FLRT2: variants seen among roughly 807,000 people sequenced by gnomAD.
FLRT2 encodes leucine-rich repeat transmembrane protein FLRT2.
A neutral mutation model predicts 40.0 loss-of-function variants in FLRT2; 15 were observed. The ratio of observed to expected loss-of-function variants is 0.38; its 90% confidence interval spans 0.25 to 0.58. The LOEUF (loss-of-function observed/expected upper bound fraction) is 0.58. Ranked by LOEUF, FLRT2 falls within the 20% of genes least tolerant of loss-of-function variation. FLRT2 has a pLI of 0.71. For missense variants in FLRT2, 726 were observed against 840.0 expected, an observed-to-expected ratio of 0.86 and a Z score of 1.68; for synonymous variants, 380 against 336.8, an observed-to-expected ratio of 1.13 and a Z score of -1.41.
At chr14:85,575,373 C>T (rs141287625) in intron 1 of FLRT2, among the ~76,000 whole-genome samples, 55 of 152,084 alleles carry the variant, frequency 3.6e-4, no homozygotes, top group African/African-American at 1.3e-3. Context: ...TCTACTAATA[C>T]TTCTGATTTT....
chr14:85,622,429 C>A lies in FLRT2; in HGVS notation c.915C>A (p.Leu305=), dbSNP rs768120893. 1 of 1,614,126 alleles carries A rather than the reference C, an allele frequency of 6.2e-7. No homozygotes were observed. Among genetic ancestry groups the A allele is most frequent in the Middle Eastern group, 1.6e-4 (1 of 6,062 alleles). Reference sequence around the variant, plus strand: ...ATAATCTCTCCAACCTGAAGCAGCTCACTGCTCGGAATAACCCTTGGTTTT... The same window carrying A: ...ATAATCTCTCCAACCTGAAGCAGCTAACTGCTCGGAATAACCCTTGGTTTT... ...VFDNLSNLKQ[L]TARNNPWFCD... Residue 305 remains leucine, a synonymous_variant, in exon 2 of 2, where the codon CTC becomes CTA. Transcript: ENST00000330753.
intron 1 of FLRT2, among the ~76,000 whole-genome samples, chr14:85,599,776 G>A (rs752571337): frequency 1.3e-5 from 2 of 149,368 alleles, no homozygotes; most frequent in Non-Finnish European, 3.0e-5. Context: ...CAAATTATAC[G>A]TGTATTTTAC....
At chr14:85,591,393 A>C (rs993632764) in intron 1 of FLRT2, among the ~76,000 whole-genome samples, 8 of 152,224 alleles carry the variant, frequency 5.3e-5, no homozygotes, top group Non-Finnish European at 7.3e-5. Context: ...AGCACGCATC[A>C]GTAGTGACTG....
chr14:85,652,278 T>G lies in FLRT2; in HGVS notation c.*28781T>G, dbSNP rs1465782997. ...TTGAAGAATCTCTAAATAGCACTAT[T>G]AAGTGCTCTGATATGCAGTAATATT... On this transcript the variant is annotated 3_prime_UTR_variant, in exon 2 of 2. Transcript: ENST00000330753. 1 of 152,142 alleles carries G rather than the reference T, an allele frequency of 6.6e-6. No homozygotes were observed. The highest frequency in any genetic ancestry group is 2.4e-5 in the African/African-American group (1 of 41,464). The allele number at this position is 152,142 out of a possible 1,614,324, so 9.4% of individuals were successfully genotyped here.
rs1444590101 is a variant in FLRT2 at position 85,643,327 on chromosome 14, C to CTT, written c.*19832_*19833dup. 1.6e-4 allele frequency: 18 copies of CTT among 113,388 alleles called. No individual in the cohort carries two copies. The highest frequency in any genetic ancestry group is 6.4e-4 in the African/African-American group (17 of 26,456). The allele number at this position is 113,388 out of a possible 1,614,324, so 7.0% of individuals were successfully genotyped here. On this transcript the variant is annotated 3_prime_UTR_variant, in exon 2 of 2. Transcript: ENST00000330753. ...TCTTTCTTTCTTTCTTTCTTTCTTT[C>CTT]TTTCTTTCTTTCTTTCTTTCTTTCT...
rs116874812 is a variant in FLRT2 at position 85,573,283 on chromosome 14, C to T, written c.-377+42749C>T. ...CCCCACACATCACACTCACACATCA[C>T]ACATATCACATACATCACACTCACA... On this transcript the variant is annotated intron_variant, in intron 1 of 1. Transcript: ENST00000330753. Among the ~76,000 whole-genome samples, 85 of 152,202 alleles carry T rather than the reference C, an allele frequency of 5.6e-4. 1 individual carries two copies. The East Asian group carries it at 0.013, about 23-fold the overall frequency.
chr14:85,595,268 A>G (rs1207632457), intron 1 of FLRT2, among the ~76,000 whole-genome samples: 1 of 152,272 alleles, frequency 6.6e-6, no homozygotes, highest in South Asian at 2.1e-4. Flanking sequence ...GATGTGTTTT[A>G]TAAGTTAGAA....
chr14:85,551,670 A>G (rs1204076537), intron 1 of FLRT2: 1 of 152,132 alleles, frequency 6.6e-6, no homozygotes, highest in Admixed American at 6.5e-5. Flanking sequence ...GCCCTGAAAT[A>G]CCTTAAGATT....
Position 85,645,750 on chromosome 14 carries a change from C to T in FLRT2, c.*22253C>T, listed in dbSNP as rs1894283813. 6.6e-6 allele frequency: 1 copy of T among 152,154 alleles called. No homozygotes were observed. Among genetic ancestry groups the T allele is most frequent in the African/African-American group, 2.4e-5 (1 of 41,444 alleles). The allele number at this position is 152,154 out of a possible 1,614,324, so 9.4% of individuals were successfully genotyped here. A position where few individuals can be genotyped will look rare whatever the true frequency, so the allele number is the denominator to read the frequency against. On this transcript the variant is annotated 3_prime_UTR_variant, in exon 2 of 2. Transcript: ENST00000330753. ...GTCAAGCTGTCCTTTTCCCCAGCCACCCTCCTCACGTCTTGCTCAATGACT... is the reference window on the plus strand; with the variant it reads ...GTCAAGCTGTCCTTTTCCCCAGCCATCCTCCTCACGTCTTGCTCAATGACT...
In FLRT2 at chr14:85,642,801, CT is replaced by C. The variant is rs1465134733; in HGVS notation, c.*19305del. The C allele has an allele frequency of 2.6e-5, 4 of 152,120 alleles. No individual in the cohort carries two copies. The highest frequency in any genetic ancestry group is 5.9e-5 in the Non-Finnish European group (4 of 68,034). 9.4% of individuals were successfully genotyped at this position (152,120 alleles called of 1,614,324 possible). A position where few individuals can be genotyped will look rare whatever the true frequency, so the allele number is the denominator to read the frequency against. On this transcript the variant is annotated 3_prime_UTR_variant, in exon 2 of 2. Coordinates refer to ENST00000330753, the MANE Select transcript of FLRT2 (RefSeq NM_013231.6). ...AATCTGGACTCAATGGTGAGTCACACTAATTGAAGTTGAGATGGAAGAAATT... is the reference window on the plus strand; with the variant it reads ...AATCTGGACTCAATGGTGAGTCACACAATTGAAGTTGAGATGGAAGAAATT...
intron 1 of FLRT2, among the ~76,000 whole-genome samples, chr14:85,602,407 T>C (rs1162080343): frequency 2.0e-5 from 3 of 152,178 alleles, no homozygotes; most frequent in East Asian, 3.9e-4. Context: ...AGCTTCTCAA[T>C]TGGAAGGCGA....
chr14:85,614,004 G>A (rs1360633404), intron 1 of FLRT2, among the ~76,000 whole-genome samples: 4 of 152,170 alleles, frequency 2.6e-5, no homozygotes, highest in Non-Finnish European at 1.5e-5. Flanking sequence ...AGGAGCTTTT[G>A]TTGTTGTTTA....
At chr14:85,556,145 T>A (rs1408229961) in intron 1 of FLRT2, among the ~76,000 whole-genome samples, 1 of 152,178 alleles carries the variant, frequency 6.6e-6, no homozygotes, top group East Asian at 1.9e-4. Context: ...CAGTGCTGTC[T>A]GGACATTTAA....
At chr14:85,561,658 A>G (rs1169337226) in intron 1 of FLRT2, among the ~76,000 whole-genome samples, 1 of 152,190 alleles carries the variant, frequency 6.6e-6, no homozygotes, top group East Asian at 1.9e-4. Flanking sequence ...TATTACAGCA[A>G]ATGATACTGT....
At chr14:85,561,733 A>G (rs377481866) in intron 1 of FLRT2, among the ~76,000 whole-genome samples, 3 of 152,258 alleles carry the variant, frequency 2.0e-5, no homozygotes, top group Non-Finnish European at 4.4e-5. Context: ...ACGAGATAAA[A>G]TAGAATCGTA....
At chr14:85,605,887 T>C (rs921592425) in intron 1 of FLRT2, among the ~76,000 whole-genome samples, 5 of 152,210 alleles carry the variant, frequency 3.3e-5, no homozygotes, top group Non-Finnish European at 5.9e-5. Flanking sequence ...ATAGCACCGA[T>C]TGAATTCATA....
chr14:85,636,062 T>A lies in FLRT2; in HGVS notation c.*12565T>A, dbSNP rs1228507211. 1.3e-5 allele frequency: 2 copies of A among 152,142 alleles called. No homozygotes were observed. The highest frequency in any genetic ancestry group is 4.8e-5 in the African/African-American group (2 of 41,450). The allele number at this position is 152,142 out of a possible 1,614,324, so 9.4% of individuals were successfully genotyped here. Reference sequence around the variant, plus strand: ...GGTCCTTGGGACTCAGATTAAGGTATCATTACCTGTTCTTTCATAAGCTGT... The same window carrying A: ...GGTCCTTGGGACTCAGATTAAGGTAACATTACCTGTTCTTTCATAAGCTGT... On this transcript the variant is annotated 3_prime_UTR_variant, in exon 2 of 2. Transcript: ENST00000330753.
intron 1 of FLRT2, among the ~76,000 whole-genome samples, chr14:85,578,523 G>A (rs1891233458): frequency 6.6e-6 from 1 of 152,258 alleles, no homozygotes; most frequent in South Asian, 2.1e-4. Flanking sequence ...CTGTCTCGGA[G>A]AAGTCAGCTT....
intron 1 of FLRT2, chr14:85,560,827 A>G (rs1890266122): frequency 6.8e-6 from 1 of 148,066 alleles, no homozygotes; most frequent in Non-Finnish European, 1.5e-5. Context: ...TGGGAAACCT[A>G]AAAAAAAAAT....
Sources: gnomAD v4.1 joint callset for allele counts (sites outside exome capture counted in the v4.1 genomes callset) on GRCh38, gnomAD v4.1.1 for gene constraint, MANE v1.5 for transcripts, NCBI Gene and HGNC (gene_info 2026-07-23, HGNC 2026-07-21) for gene names.